Variants in ODF1 observed in about 807,000 individuals in gnomAD.
The protein encoded by ODF1 is outer dense fiber protein 1.
A neutral mutation model predicts 24.0 loss-of-function variants in ODF1; 10 were observed. The ratio of observed to expected loss-of-function variants is 0.42; its 90% CI spans 0.26 to 0.71. The LOEUF is 0.71. Among genes scored for constraint, ODF1 ranks in the 30% least tolerant of loss-of-function variants. The pLI is 0.28. For missense variants in ODF1, 282 were observed against 307.9 expected (o/e 0.92, Z 0.63); for synonymous variants, 118 against 121.3 (o/e 0.97, Z 0.18).
intron 1 of ODF1, among the ~76,000 whole-genome samples, chr8:102,556,739 G>C (rs1826116593): frequency 6.6e-6 from 1 of 152,156 alleles, no homozygotes; most frequent in Non-Finnish European, 1.5e-5. Flanking sequence ...GAGAGAAAAG[G>C]CTGGAAAATA....
chr8:102,556,144 T>C (rs1236865940), intron 1 of ODF1, among the ~76,000 whole-genome samples: 2 of 152,176 alleles, frequency 1.3e-5, no homozygotes, highest in Non-Finnish European at 2.9e-5. Context: ...TGTTGGGTGA[T>C]ATTATCTTGG....
chr8:102,558,190 G>A (rs903400073), intron 1 of ODF1, among the ~76,000 whole-genome samples: 5 of 152,198 alleles, frequency 3.3e-5, no homozygotes, highest in East Asian at 1.9e-4. Flanking sequence ...GGTGGCTCAC[G>A]CCTGTAATCC....
intron 1 of ODF1, among the ~76,000 whole-genome samples, chr8:102,553,204 T>TAAAAAAAAA (rs1315579134): frequency 3.0e-5 from 2 of 65,654 alleles, no homozygotes; most frequent in African/African-American, 7.3e-5. Context: ...CTCTACTAAA[T>TAAAAAAAAA]ACAAAAAAAA....
Position 102,551,736 on chromosome 8 carries a change from A to C in ODF1, c.9A>C (p.Ala3=). MA[A]LSCLLDSVRR... is the part of the protein sequence containing the mutation. ...AATCAGGTGTGACCATAATGGCTGCACTGAGTTGTCTCTTGGACAGTGTCA... is the reference window on the plus strand; with the variant it reads ...AATCAGGTGTGACCATAATGGCTGCCCTGAGTTGTCTCTTGGACAGTGTCA... Residue 3 remains alanine (A), a synonymous_variant, in exon 1 of 2, where the codon GCA becomes GCC. Coordinates refer to ENST00000285402, the MANE Select transcript of ODF1 (RefSeq NM_024410.4). The C allele has an allele frequency of 6.3e-7, 1 of 1,593,270 alleles. No homozygotes were observed. Among genetic ancestry groups the C allele is most frequent in the South Asian group, 1.1e-5 (1 of 88,344 alleles).
chr8:102,552,515 C>T lies in ODF1; in HGVS notation c.320+468C>T, dbSNP rs191619646. On this transcript the variant is annotated intron_variant, in intron 1 of 1. Transcript: ENST00000285402. Reference sequence around the variant, plus strand: ...AGGAGAGCAAATTGAACAGTAGAGGCATTGCCTTGGTTTTGTGGGAATATC... The same window carrying T: ...AGGAGAGCAAATTGAACAGTAGAGGTATTGCCTTGGTTTTGTGGGAATATC... Among the ~76,000 whole-genome samples, 132 of 152,214 alleles carry T rather than the reference C, an allele frequency of 8.7e-4. 2 individuals carry two copies. The highest frequency in any genetic ancestry group is 4.4e-5 in the Non-Finnish European group (3 of 68,006).
intron 1 of ODF1, 145 bp from the exon 2 acceptor site, chr8:102,560,307 T>G: frequency 1.4e-6 from 1 of 727,072 alleles, no homozygotes. Context: ...TTTTACTTCA[T>G]GCATTTGTGT....
Position 102,551,958 on chromosome 8 carries a change from T to C in ODF1, c.231T>C (p.Asp77=), listed in dbSNP as rs374235407. 1.7e-5 allele frequency: 27 copies of C among 1,614,040 alleles called. No homozygotes were observed. Among genetic ancestry groups the C allele is most frequent in the Non-Finnish European group, 2.2e-5 (26 of 1,180,022 alleles). The change falls in exon 1 of 2, where the codon GAT becomes GAC. Residue 77 remains aspartate, a synonymous_variant. Coordinates refer to ENST00000285402, the MANE Select transcript of ODF1 (RefSeq NM_024410.4). The stretch of plus-strand genomic sequence containing the variant: ...ATCTCTACCCATGTTGCCTGTGTGA[T>C]TATAAGCTTTACTGTCTGCGACCAT... ...LCDLYPCCLC[D]YKLYCLRPSL...
In ODF1 at chr8:102,560,779, C is replaced by T; in HGVS notation, c.648C>T (p.Ser216=). Residue 216 remains serine (S), a synonymous_variant, in exon 2 of 2, where the codon AGC becomes AGT. Transcript: ENST00000285402. ...CTTGCAGCCCCTGCAGCCCCTGCAG[C>T]CCCTGCAACCCCTGCAGCCCCTGCA... is the stretch of plus-strand genomic sequence containing the variant. ...TSPCSPCSPC[S]PCNPCSPCNP... 1 of 1,202,538 alleles carries T rather than the reference C, an allele frequency of 8.3e-7. No individual in the cohort carries two copies. Among genetic ancestry groups the T allele is most frequent in the Middle Eastern group, 2.0e-4 (1 of 5,004 alleles). The allele number at this position is 1,202,538 out of a possible 1,614,324, so 74.5% of individuals were successfully genotyped here. A position where few individuals can be genotyped will look rare whatever the true frequency, so the allele number is the denominator to read the frequency against.
Position 102,560,772 on chromosome 8 carries a change from C to CGTG in ODF1, c.641_642insGTG (p.Cys215dup). The CGTG allele has an allele frequency of 9.1e-7, 1 of 1,097,888 alleles. No homozygotes were observed. Among genetic ancestry groups the CGTG allele is most frequent in the Non-Finnish European group, 1.3e-6 (1 of 782,650 alleles). 68.0% of individuals were successfully genotyped at this position (1,097,888 alleles called of 1,614,324 possible). A position where few individuals can be genotyped will look rare whatever the true frequency, so the allele number is the denominator to read the frequency against. On this transcript the variant is annotated inframe_insertion, in exon 2 of 2. Coordinates refer to ENST00000285402, the MANE Select transcript of ODF1 (RefSeq NM_024410.4). ...ACTTCTCCTTGCAGCCCCTGCAGCC[C>CGTG]CTGCAGCCCCTGCAACCCCTGCAGC...
intron 1 of ODF1, among the ~76,000 whole-genome samples, chr8:102,558,886 A>G (rs188017589): frequency 6.6e-6 from 1 of 151,686 alleles, no homozygotes; most frequent in African/African-American, 2.4e-5. Context: ...TGAGTCTTCT[A>G]CAATGAACTT....
chr8:102,560,811 G>A lies in ODF1; in HGVS notation c.680G>A (p.Cys227Tyr). ...AACCCCTGCAGCCCCTGCAACCCGT[G>A]CAGCCCATATGATCCTTGCAACCCG... Reference protein sequence around the residue: ...PCNPCSPCNPCSPYDPCNPCY... With the variant: ...PCNPCSPCNPYSPYDPCNPCY... Residue 227 changes from cysteine to tyrosine, a missense_variant, in exon 2 of 2, where the codon TGC (cysteine) becomes TAC (tyrosine). Coordinates refer to ENST00000285402, the MANE Select transcript of ODF1 (RefSeq NM_024410.4). 1 of 1,555,526 alleles carries A rather than the reference G, an allele frequency of 6.4e-7. No individual in the cohort carries two copies. Among genetic ancestry groups the A allele is most frequent in the Non-Finnish European group, 8.6e-7 (1 of 1,166,756 alleles).
intron 1 of ODF1, among the ~76,000 whole-genome samples, chr8:102,553,740 C>T (rs138383790): frequency 6.6e-6 from 1 of 152,346 alleles, no homozygotes; most frequent in African/African-American, 2.4e-5. Context: ...GCTGTCTACT[C>T]TCTTGATGCC....
chr8:102,559,049 C>T (rs1172489946), intron 1 of ODF1, among the ~76,000 whole-genome samples: 2 of 124,986 alleles, frequency 1.6e-5, no homozygotes, highest in Non-Finnish European at 3.4e-5. Flanking sequence ...CAGCACATTG[C>T]AAAAAAAAAA....
Position 102,560,781 on chromosome 8 carries a change from C to G in ODF1, c.650C>G (p.Pro217Arg). ...TGCAGCCCCTGCAGCCCCTGCAGCC[C>G]CTGCAACCCCTGCAGCCCCTGCAAC... Reference protein sequence around the residue: ...SPCSPCSPCSPCNPCSPCNPC... With the variant: ...SPCSPCSPCSRCNPCSPCNPC... The change falls in exon 2 of 2, where the codon CCC (proline) becomes CGC (arginine). Residue 217 changes from proline (P) to arginine (R), a missense_variant. Pro to Arg is a moderately radical substitution (Grantham distance 103). Coordinates refer to ENST00000285402, the MANE Select transcript of ODF1 (RefSeq NM_024410.4). 1.7e-6 allele frequency: 2 copies of G among 1,209,006 alleles called. No homozygotes were observed. The highest frequency in any genetic ancestry group is 2.4e-6 in the Non-Finnish European group (2 of 844,248). 74.9% of individuals were successfully genotyped at this position (1,209,006 alleles called of 1,614,324 possible). A position where few individuals can be genotyped will look rare whatever the true frequency, so the allele number is the denominator to read the frequency against.
At chr8:102,555,165 G>C (rs1826097653) in intron 1 of ODF1, among the ~76,000 whole-genome samples, 1 of 152,038 alleles carries the variant, frequency 6.6e-6, no homozygotes, top group South Asian at 2.1e-4. Flanking sequence ...GATTTAGAGG[G>C]GCTGAGGGGA....
chr8:102,552,073 T>G, intron 1 of ODF1, 26 bp downstream of exon 1: 1 of 1,512,696 alleles, frequency 6.6e-7, no homozygotes, highest in Non-Finnish European at 9.0e-7. Flanking sequence ...TTTAAATTTT[T>G]ATAGTCGGTA....
chr8:102,555,037 T>A (rs942610899), intron 1 of ODF1, among the ~76,000 whole-genome samples: 1 of 152,030 alleles, frequency 6.6e-6, no homozygotes, highest in African/African-American at 2.4e-5. Flanking sequence ...GACACCATGT[T>A]GGCAGTGTCT....
chr8:102,558,638 A>G (rs1826141848), intron 1 of ODF1, among the ~76,000 whole-genome samples: 1 of 152,078 alleles, frequency 6.6e-6, no homozygotes, highest in African/African-American at 2.4e-5. Flanking sequence ...TCAAACTGTT[A>G]TCTAATCATG....
intron 1 of ODF1, among the ~76,000 whole-genome samples, chr8:102,558,554 G>A (rs2436895): frequency 0.49 from 74,565 of 152,078 alleles, 18,740 homozygotes; most frequent in Middle Eastern, 0.63. Flanking sequence ...CTGGGACTGA[G>A]TTCTGTTTGA....
Sources: allele counts gnomAD v4.1 joint callset (sites outside exome capture counted in the v4.1 genomes callset), GRCh38; gene constraint gnomAD v4.1.1; transcripts MANE v1.5; gene names NCBI Gene and HGNC (gene_info 2026-07-23, HGNC 2026-07-21).